The following NR3C2 variants were observed in gnomAD, a reference collection of about 807,000 sequenced individuals.
NR3C2 encodes mineralocorticoid receptor.
A neutral mutation model predicts 86.4 loss-of-function variants in NR3C2; 15 were observed. That is an observed-to-expected ratio of 0.17 (90% CI 0.12 to 0.27). The LOEUF is 0.27. Ranked by LOEUF, NR3C2 falls within the 10% of genes least tolerant of loss-of-function variation. NR3C2 has a pLI of 1.00. For missense variants in NR3C2, 960 were observed against 1,195.6 expected (o/e 0.80, Z 2.91); for synonymous variants, 458 against 450.5 (o/e 1.02, Z -0.21).
chr4:148,351,108 T>G (rs1745250280), intron 2 of NR3C2, among the ~76,000 whole-genome samples: 1 of 152,158 alleles, frequency 6.6e-6, no homozygotes, highest in African/African-American at 2.4e-5. Flanking sequence ...TAATCTTTTG[T>G]TCTAACATTG....
intron 1 of NR3C2, among the ~76,000 whole-genome samples, chr4:148,437,705 TG>T (rs1750145857): frequency 6.6e-6 from 1 of 152,174 alleles, no homozygotes; most frequent in African/African-American, 2.4e-5. Flanking sequence ...CAATGGTAAA[TG>T]GTGACTTTTG....
At chr4:148,223,618 T>G (rs1160389505) in intron 3 of NR3C2, among the ~76,000 whole-genome samples, 1 of 152,078 alleles carries the variant, frequency 6.6e-6, no homozygotes, top group Non-Finnish European at 1.5e-5. Flanking sequence ...TATGGTTAGT[T>G]TAGGGATACA....
chr4:148,341,551 C>A, intron 2 of NR3C2, among the ~76,000 whole-genome samples: 1 of 152,020 alleles, frequency 6.6e-6, no homozygotes, highest in South Asian at 2.1e-4. Flanking sequence ...CACAGTAGGG[C>A]AACTATAATA....
At chr4:148,418,645 A>G (rs2126596439) in intron 2 of NR3C2, among the ~76,000 whole-genome samples, 1 of 152,304 alleles carries the variant, frequency 6.6e-6, no homozygotes, top group East Asian at 1.9e-4. Context: ...ATTTGTTCCT[A>G]TTCCTCTATT....
chr4:148,263,880 T>C (rs1740249950), intron 2 of NR3C2, among the ~76,000 whole-genome samples: 1 of 152,222 alleles, frequency 6.6e-6, no homozygotes, highest in African/African-American at 2.4e-5. Flanking sequence ...CTTTAGCAGT[T>C]ACCACTCTTG....
intron 2 of NR3C2, among the ~76,000 whole-genome samples, chr4:148,379,152 T>C (rs192319154): frequency 1.3e-5 from 2 of 152,276 alleles, no homozygotes; most frequent in Non-Finnish European, 2.9e-5. Flanking sequence ...TAATTATACG[T>C]CTAAATTTAA....
At chr4:148,296,231 T>G (rs2149914970) in intron 2 of NR3C2, among the ~76,000 whole-genome samples, 1 of 152,212 alleles carries the variant, frequency 6.6e-6, no homozygotes, top group South Asian at 2.1e-4. Context: ...TACATTTTTT[T>G]TTTGTTTACT....
chr4:148,204,219 T>TAAA, intron 3 of NR3C2, among the ~76,000 whole-genome samples: 1 of 152,328 alleles, frequency 6.6e-6, no homozygotes, highest in South Asian at 2.1e-4. Flanking sequence ...AAACACTTAT[T>TAAA]ATGGTGCGCA....
intron 2 of NR3C2, among the ~76,000 whole-genome samples, chr4:148,342,360 G>C (rs757801319): frequency 6.6e-6 from 1 of 152,100 alleles, no homozygotes; most frequent in African/African-American, 2.4e-5. Context: ...ACAGATCTCT[G>C]TTTAATTCAA....
chr4:148,168,284 C>T (rs1168191385), intron 4 of NR3C2, among the ~76,000 whole-genome samples: 1 of 152,192 alleles, frequency 6.6e-6, no homozygotes, highest in Non-Finnish European at 1.5e-5. Context: ...AGACTAATCT[C>T]CCCCTGCCCC....
intron 2 of NR3C2, among the ~76,000 whole-genome samples, chr4:148,343,328 C>T (rs1400923961): frequency 6.6e-6 from 1 of 152,090 alleles, no homozygotes; most frequent in African/African-American, 2.4e-5. Context: ...GGGTTTAACC[C>T]TTTATTTTGG....
chr4:148,407,311 T>C (rs72658632), intron 2 of NR3C2, among the ~76,000 whole-genome samples: 199 of 152,292 alleles, frequency 1.3e-3, no homozygotes, highest in African/African-American at 4.5e-3. Context: ...CCCTGTTACA[T>C]GTAGGGTTCA....
At chr4:148,123,117 T>C (rs1041397977) in intron 6 of NR3C2, among the ~76,000 whole-genome samples, 1 of 152,092 alleles carries the variant, frequency 6.6e-6, no homozygotes, top group Non-Finnish European at 1.5e-5. Context: ...GGGAGGTCTA[T>C]AAATGGCCGC....
intron 2 of NR3C2, among the ~76,000 whole-genome samples, chr4:148,361,351 T>C (rs183828673): frequency 3.3e-5 from 5 of 152,346 alleles, no homozygotes; most frequent in Admixed American, 6.5e-5. Context: ...TATTCTTTTC[T>C]TTCTTAAATG....
At chr4:148,442,495 G>A (rs1237763053), upstream of NR3C2, 3 of 270,610 alleles carry the variant, frequency 1.1e-5, no homozygotes, top group African/African-American at 2.3e-5. Context: ...GAGGGGGAGT[G>A]GGCCAGCTGG....
rs531563640 is a variant in NR3C2 at position 148,307,842 on chromosome 4, T to C, written c.1758-47725A>G. 5.6e-4 allele frequency among the ~76,000 whole-genome samples: 85 copies of C among 150,586 alleles called. 4 individuals carry two copies. The South Asian group carries it at 0.018, about 31-fold the overall frequency. On this transcript the variant is annotated intron_variant, in intron 2 of 8. Transcript: ENST00000358102. ...AGCCAGTATAAAGCTAAGCTCTGCA[T>C]CATTAAAAAAAACAAAACAAAACAA... is the stretch of plus-strand genomic sequence containing the variant.
intron 2 of NR3C2, among the ~76,000 whole-genome samples, chr4:148,323,486 A>T (rs6813869): frequency 1.4e-5 from 2 of 143,846 alleles, no homozygotes; most frequent in Non-Finnish European, 3.0e-5. Context: ...GCCTGGCTGC[A>T]GCCTTGCAGT....
chr4:148,224,348 CATG>C (rs1022508777), intron 3 of NR3C2, among the ~76,000 whole-genome samples: 3 of 152,210 alleles, frequency 2.0e-5, no homozygotes, highest in African/African-American at 7.2e-5. Flanking sequence ...TACACTATTT[CATG>C]ATATGACATT....
At chr4:148,183,681 A>G (rs1383895899) in intron 4 of NR3C2, among the ~76,000 whole-genome samples, 1 of 152,210 alleles carries the variant, frequency 6.6e-6, no homozygotes, top group Non-Finnish European at 1.5e-5. Flanking sequence ...GACAGTGCAT[A>G]TAATGGGCTC....
Sources: allele counts gnomAD v4.1 joint callset (sites outside exome capture counted in the v4.1 genomes callset), GRCh38; gene constraint gnomAD v4.1.1; transcripts MANE v1.5; gene names NCBI Gene and HGNC (gene_info 2026-07-23, HGNC 2026-07-21).